GSK3B: variants seen among roughly 807,000 people sequenced by gnomAD.
GSK3B encodes glycogen synthase kinase-3 beta.
Under a neutral mutation model 56.4 loss-of-function variants are expected in GSK3B, and 15 were observed. The observed-to-expected ratio is 0.27, with a 90% CI of 0.18 to 0.41. The LOEUF is 0.41. GSK3B is among the 10% of genes least tolerant of loss of function. The pLI is 1.00. For synonymous variants in GSK3B, 181 were observed against 188.9 expected, an observed-to-expected ratio of 0.96 and a Z score of 0.34; for missense variants, 300 against 513.4, an observed-to-expected ratio of 0.58 and a Z score of 4.02.
intron 9 of GSK3B, among the ~76,000 whole-genome samples, chr3:119,858,209 C>A (rs932583081): frequency 6.6e-6 from 1 of 152,180 alleles, no homozygotes; most frequent in Non-Finnish European, 1.5e-5. Context: ...AATGAGTCAA[C>A]CTATCCTTTG....
chr3:119,964,637 A>C (rs2057302920), intron 2 of GSK3B, among the ~76,000 whole-genome samples: 1 of 152,174 alleles, frequency 6.6e-6, no homozygotes, highest in Non-Finnish European at 1.5e-5. Flanking sequence ...CAACGGTATA[A>C]AGTTAGTTAT....
chr3:120,021,078 C>T (rs1044290943), intron 1 of GSK3B, among the ~76,000 whole-genome samples: 3 of 152,184 alleles, frequency 2.0e-5, no homozygotes, highest in African/African-American at 7.2e-5. Context: ...AGGAAAGATG[C>T]CCTCTCCATA....
intron 7 of GSK3B, among the ~76,000 whole-genome samples, chr3:119,883,325 A>C (rs2056399579): frequency 6.6e-6 from 1 of 152,152 alleles, no homozygotes; most frequent in Non-Finnish European, 1.5e-5. Context: ...ATAGGAAAAA[A>C]AGCACTTATT....
At chr3:120,041,219 C>G (rs2058062535) in intron 1 of GSK3B, 3 of 200,730 alleles carry the variant, frequency 1.5e-5, no homozygotes, top group Non-Finnish European at 3.2e-5. Flanking sequence ...TCTGCTGGGG[C>G]CAAGTGGTGC....
At chr3:119,937,769 T>C (rs777894275) in intron 3 of GSK3B, among the ~76,000 whole-genome samples, 2 of 150,590 alleles carry the variant, frequency 1.3e-5, no homozygotes, top group Non-Finnish European at 3.0e-5. Context: ...AAGAAATATA[T>C]GAATAGAGAT....
chr3:119,840,002 A>AGTTT (rs2055749346), intron 10 of GSK3B, among the ~76,000 whole-genome samples: 1 of 152,074 alleles, frequency 6.6e-6, no homozygotes, highest in African/African-American at 2.4e-5. Flanking sequence ...ATAGTTTAAT[A>AGTTT]GTTTATTTAT....
chr3:119,924,380 A>G (rs2056871365), intron 3 of GSK3B, among the ~76,000 whole-genome samples: 1 of 152,232 alleles, frequency 6.6e-6, no homozygotes, highest in African/African-American at 2.4e-5. Context: ...AACTTTCACA[A>G]TCTCCCAATT....
intron 3 of GSK3B, 146 bp downstream of exon 3, chr3:119,947,122 T>C (rs1207226292): frequency 7.0e-6 from 4 of 571,166 alleles, no homozygotes; most frequent in Non-Finnish European, 9.4e-6. Context: ...TCAATGACCA[T>C]ACCTTGGGCT....
At chr3:119,877,307 A>G (rs1275707698) in intron 7 of GSK3B, among the ~76,000 whole-genome samples, 2 of 152,168 alleles carry the variant, frequency 1.3e-5, no homozygotes, top group African/African-American at 4.8e-5. Flanking sequence ...CCCCGAGGAT[A>G]CCAAAATCAA....
chr3:119,979,066 C>T lies in GSK3B; in HGVS notation c.282+22980G>A, dbSNP rs73854756. On this transcript the variant is annotated intron_variant, in intron 2 of 10. Coordinates refer to ENST00000264235, the MANE Select transcript of GSK3B (RefSeq NM_001146156.2). ...CACTGTGCTGTCTCCTTCATGACCT[C>T]GCCAAAGTTGGCTTAAGTGTTTAGT... 4.3e-3 allele frequency among the ~76,000 whole-genome samples: 652 copies of T among 152,322 alleles called. 2 individuals carry two copies. The highest frequency in any genetic ancestry group is 0.015 in the African/African-American group (610 of 41,564).
At chr3:119,854,022 G>A (rs2055980058) in intron 9 of GSK3B, among the ~76,000 whole-genome samples, 1 of 152,104 alleles carries the variant, frequency 6.6e-6, no homozygotes, top group Non-Finnish European at 1.5e-5. Context: ...AATGCTTCCA[G>A]TTTTTGCCCA....
intron 2 of GSK3B, among the ~76,000 whole-genome samples, chr3:119,975,073 AC>A (rs1317736007): frequency 6.6e-6 from 1 of 152,198 alleles, no homozygotes; most frequent in African/African-American, 2.4e-5. Context: ...AGCTACCCAA[AC>A]CAAGATGTCC....
intron 7 of GSK3B, 97 bp from the exon 8 acceptor site, chr3:119,876,605 C>A: frequency 1.4e-6 from 1 of 706,702 alleles, no homozygotes; most frequent in East Asian, 2.6e-5. Context: ...AAGGAATTCC[C>A]AAGTTAAATA....
chr3:119,898,800 T>C (rs530550987), intron 7 of GSK3B, among the ~76,000 whole-genome samples: 44 of 152,294 alleles, frequency 2.9e-4, no homozygotes, highest in Admixed American at 1.0e-3. Context: ...CATACATACC[T>C]ATGATAAAGT....
At chr3:119,855,401 C>T (rs1453436535) in intron 9 of GSK3B, among the ~76,000 whole-genome samples, 1 of 152,170 alleles carries the variant, frequency 6.6e-6, no homozygotes, top group Non-Finnish European at 1.5e-5. Flanking sequence ...CTAGTTCAAC[C>T]ATTGTGGAAG....
chr3:120,054,506 C>A (rs1388653006), intron 1 of GSK3B, among the ~76,000 whole-genome samples: 1 of 152,088 alleles, frequency 6.6e-6, no homozygotes, highest in Non-Finnish European at 1.5e-5. Context: ...CATTTCAGAT[C>A]CCTCTCTCCC....
chr3:119,948,253 G>C (rs2057119408), intron 2 of GSK3B, among the ~76,000 whole-genome samples: 1 of 152,196 alleles, frequency 6.6e-6, no homozygotes, highest in Admixed American at 6.5e-5. Flanking sequence ...AATCTGGAAA[G>C]GAAATGGTGT....
At chr3:119,967,637 T>C (rs1175941736) in intron 2 of GSK3B, among the ~76,000 whole-genome samples, 3 of 152,194 alleles carry the variant, frequency 2.0e-5, no homozygotes, top group African/African-American at 7.2e-5. Context: ...CACAATTCTA[T>C]AACAAAAGAA....
intron 1 of GSK3B, among the ~76,000 whole-genome samples, chr3:120,017,762 C>T (rs1191357807): frequency 2.0e-5 from 3 of 152,156 alleles, no homozygotes; most frequent in Admixed American, 6.5e-5. Context: ...TCCATGAGGG[C>T]AACACTTACA....
Sources: allele counts gnomAD v4.1 joint callset (sites outside exome capture counted in the v4.1 genomes callset), GRCh38; gene constraint gnomAD v4.1.1; transcripts MANE v1.5; gene names NCBI Gene and HGNC (gene_info 2026-07-23, HGNC 2026-07-21).